ROBO1: variants seen among roughly 807,000 people sequenced by gnomAD.
ROBO1 encodes roundabout homolog 1.
A neutral mutation model predicts 195.9 loss-of-function variants in ROBO1; 149 were observed. The ratio of observed to expected loss-of-function variants is 0.76; its 90% CI spans 0.67 to 0.87. The LOEUF (loss-of-function observed/expected upper bound fraction) is 0.87. Among genes scored for constraint, ROBO1 ranks in the 40% least tolerant of loss-of-function variants. The pLI is 0.00. For synonymous variants in ROBO1, 816 were observed against 733.2 expected, an observed-to-expected ratio of 1.11 and a Z score of -1.82; for missense variants, 1,933 against 2,068.3, an observed-to-expected ratio of 0.93 and a Z score of 1.27.
chr3:79,359,253 C>G (rs1363228823), intron 2 of ROBO1, among the ~76,000 whole-genome samples: 3 of 151,932 alleles, frequency 2.0e-5, no homozygotes, highest in African/African-American at 7.2e-5. Context: ...AATCAATTAA[C>G]TCCTTGATAA....
chr3:79,393,567 A>C (rs1336396041), intron 2 of ROBO1, among the ~76,000 whole-genome samples: 1 of 152,140 alleles, frequency 6.6e-6, no homozygotes, highest in Non-Finnish European at 1.5e-5. Context: ...GAAAATATCA[A>C]CATTTTTGAG....
chr3:79,644,214 A>T (rs1470033359), intron 1 of ROBO1, among the ~76,000 whole-genome samples: 1 of 152,190 alleles, frequency 6.6e-6, no homozygotes, highest in East Asian at 1.9e-4. Flanking sequence ...TAAAGCAAAC[A>T]TTAATAGATA....
At chr3:79,243,989 T>A (rs1402845462) in intron 2 of ROBO1, among the ~76,000 whole-genome samples, 3 of 152,178 alleles carry the variant, frequency 2.0e-5, no homozygotes, top group Admixed American at 6.5e-5. Context: ...CTTTAATCCA[T>A]CTTGAATTAA....
At chr3:78,896,765 G>A (rs1026940931) in intron 4 of ROBO1, among the ~76,000 whole-genome samples, 17 of 151,364 alleles carry the variant, frequency 1.1e-4, no homozygotes, top group East Asian at 1.9e-4. Flanking sequence ...TTTCATCAGC[G>A]CTTTGAAAAT....
intron 2 of ROBO1, among the ~76,000 whole-genome samples, chr3:79,566,389 C>A (rs745836184): frequency 2.0e-5 from 3 of 152,030 alleles, no homozygotes; most frequent in Non-Finnish European, 4.4e-5. Flanking sequence ...CTCAGTTCAT[C>A]ATTATTTGTT....
In ROBO1 at chr3:78,740,552, A is replaced by G. The variant is rs1451519413; in HGVS notation, c.657+6191T>C. Among the ~76,000 whole-genome samples the G allele has an allele frequency of 5.3e-5, 8 of 150,754 alleles. No individual in the cohort carries two copies. The East Asian group carries it at 1.6e-3, about 30-fold the overall frequency. ...AATGGCGCGACCTCGGCTCACTGCA[A>G]CCTCTGCCTCCCAGGTTCAAGCGAC... is the stretch of plus-strand genomic sequence containing the variant. On this transcript the variant is annotated intron_variant, in intron 5 of 30. Transcript: ENST00000464233.
At position 78,842,058 on chromosome 3, in the gene ROBO1, A is replaced by G. The variant is rs988167771; in HGVS notation, c.500-95158T>C. ...CCTGCCTTAGATCACAAACATCAGC[A>G]ACAAAAGCACAAAATGCCATCTCCT... On this transcript the variant is annotated intron_variant, in intron 4 of 30. Transcript: ENST00000464233. 2.6e-5 allele frequency among the ~76,000 whole-genome samples: 4 copies of G among 151,218 alleles called. No individual in the cohort carries two copies. In the East Asian group the frequency reaches 5.8e-4, roughly 22 times the overall value.
intron 4 of ROBO1, among the ~76,000 whole-genome samples, chr3:78,852,598 G>A (rs1004510037): frequency 6.6e-6 from 1 of 152,046 alleles, no homozygotes; most frequent in Non-Finnish European, 1.5e-5. Context: ...AATATTTTAT[G>A]CCCTGTTATT....
intron 2 of ROBO1, among the ~76,000 whole-genome samples, chr3:79,541,164 T>G (rs1479471254): frequency 6.6e-6 from 1 of 152,166 alleles, no homozygotes. Context: ...GAAATTGTAC[T>G]AAATCTAAAA....
intron 4 of ROBO1, among the ~76,000 whole-genome samples, chr3:78,798,857 T>C (rs1390677754): frequency 1.3e-5 from 2 of 152,200 alleles, no homozygotes; most frequent in Non-Finnish European, 2.9e-5. Flanking sequence ...TATTTAGTAG[T>C]TACTTGGAGG....
chr3:79,202,458 A>G (rs1020079309), intron 2 of ROBO1, among the ~76,000 whole-genome samples: 1 of 152,070 alleles, frequency 6.6e-6, no homozygotes, highest in African/African-American at 2.4e-5. Context: ...TTTGATTTTT[A>G]TATTATCACT....
At chr3:79,096,929 C>T (rs1371681934) in intron 3 of ROBO1, among the ~76,000 whole-genome samples, 1 of 151,504 alleles carries the variant, frequency 6.6e-6, no homozygotes, top group Non-Finnish European at 1.5e-5. Flanking sequence ...GTAAGTTTGG[C>T]AGGAGGCATA....
intron 4 of ROBO1, among the ~76,000 whole-genome samples, chr3:78,839,113 T>C (rs1307187269): frequency 1.3e-5 from 2 of 152,200 alleles, no homozygotes; most frequent in African/African-American, 4.8e-5. Context: ...TGATCTGAGA[T>C]GCTGAATTCT....
intron 10 of ROBO1, among the ~76,000 whole-genome samples, chr3:78,681,171 T>C (rs2080895948): frequency 7.2e-6 from 1 of 138,526 alleles, no homozygotes; most frequent in Admixed American, 7.5e-5. Context: ...CATCACACTC[T>C]GGGGACTGTT....
chr3:79,626,071 A>T (rs1945169083), intron 1 of ROBO1, among the ~76,000 whole-genome samples: 1 of 152,216 alleles, frequency 6.6e-6, no homozygotes, highest in South Asian at 2.1e-4. Context: ...TCCATCACAT[A>T]AACAGAACCA....
At chr3:79,633,269 G>A (rs1266008115) in intron 1 of ROBO1, among the ~76,000 whole-genome samples, 2 of 150,604 alleles carry the variant, frequency 1.3e-5, no homozygotes, top group African/African-American at 2.4e-5. Context: ...AACCTCTTGG[G>A]CTCAGGCGAT....
intron 1 of ROBO1, among the ~76,000 whole-genome samples, chr3:79,694,368 T>A (rs1445724995): frequency 6.6e-6 from 1 of 151,832 alleles, no homozygotes; most frequent in Admixed American, 6.6e-5. Context: ...TTGAGAAAGT[T>A]TAATAGATTT....
intron 3 of ROBO1, among the ~76,000 whole-genome samples, chr3:78,964,432 A>G (rs1366606429): frequency 6.6e-6 from 1 of 152,180 alleles, no homozygotes; most frequent in Non-Finnish European, 1.5e-5. Flanking sequence ...TGAAGGGTTC[A>G]GTTAAAGACT....
At chr3:79,524,979 C>T (rs1007294209) in intron 2 of ROBO1, among the ~76,000 whole-genome samples, 1 of 151,622 alleles carries the variant, frequency 6.6e-6, no homozygotes, top group Non-Finnish European at 1.5e-5. Flanking sequence ...AAACAGAGAG[C>T]CACAAAGACT....
Sources: allele counts gnomAD v4.1 joint callset (sites outside exome capture counted in the v4.1 genomes callset), GRCh38; gene constraint gnomAD v4.1.1; transcripts MANE v1.5; gene names NCBI Gene and HGNC (gene_info 2026-07-23, HGNC 2026-07-21).